PIP5K1C: variants seen among roughly 807,000 people sequenced by gnomAD.
PIP5K1C encodes phosphatidylinositol-4-phosphate 5-kinase type 1 gamma, also known as phosphatidylinositol 4-phosphate 5-kinase type-1 gamma.
Under a neutral mutation model 80.1 loss-of-function variants are expected in PIP5K1C, and 45 were observed. The ratio of observed to expected loss-of-function variants is 0.56; its 90% confidence interval spans 0.44 to 0.72. The LOEUF (loss-of-function observed/expected upper bound fraction) is 0.72, where lower values mean the gene tolerates loss of function less well. Ranked by LOEUF, PIP5K1C falls within the 30% of genes least tolerant of loss-of-function variation. PIP5K1C has a pLI of 0.00. For missense variants in PIP5K1C, 753 were observed against 954.6 expected, an observed-to-expected ratio of 0.79 and a Z score of 2.78; for synonymous variants, 498 against 420.1, an observed-to-expected ratio of 1.19 and a Z score of -2.27.
At chr19:3,690,029 G>C (rs2035895999) in intron 1 of PIP5K1C, among the ~76,000 whole-genome samples, 3 of 151,978 alleles carry the variant, frequency 2.0e-5, no homozygotes, top group Admixed American at 2.0e-4. Flanking sequence ...AGAAACACCT[G>C]GGGTGACAGT....
rs540300528 is a variant in PIP5K1C, at chr19:3,637,938, G to C, written c.1920+946C>G. On this transcript the variant is annotated intron_variant, in intron 16 of 17. Coordinates refer to ENST00000335312, the MANE Select transcript of PIP5K1C (RefSeq NM_012398.3). The surrounding 1 kb of genome is among the most constrained non-coding windows in gnomAD (Gnocchi z 7.0). Reference sequence around the variant, plus strand: ...GGGTGACGACGTGCGGTGGGTAGGGGCACAGGCACGCGGCCCGTCCCTCCC... The same window carrying C: ...GGGTGACGACGTGCGGTGGGTAGGGCCACAGGCACGCGGCCCGTCCCTCCC... 3.3e-6 allele frequency: 5 copies of C among 1,534,878 alleles called. No individual in the cohort carries two copies. The highest frequency in any genetic ancestry group is 4.4e-6 in the Non-Finnish European group (5 of 1,146,654).
chr19:3,698,020 C>T (rs1013858375), intron 1 of PIP5K1C, among the ~76,000 whole-genome samples: 4 of 152,236 alleles, frequency 2.6e-5, no homozygotes, highest in African/African-American at 4.8e-5. Context: ...TCGCCAAGGA[C>T]GATGACACTG....
chr19:3,637,436 C>G lies in PIP5K1C; in HGVS notation c.1920+1448G>C. On this transcript the variant is annotated intron_variant, in intron 16 of 17. Transcript: ENST00000335312. The surrounding 1 kb of genome is among the most constrained non-coding windows in gnomAD (Gnocchi z 7.0). Reference sequence around the variant, plus strand: ...TACCCAAAGCCCTTCTGGAAAACAACTGACGTCAGACACTGAGCTTCCGGC... The same window carrying G: ...TACCCAAAGCCCTTCTGGAAAACAAGTGACGTCAGACACTGAGCTTCCGGC... 1 of 1,535,680 alleles carries G rather than the reference C, an allele frequency of 6.5e-7. No individual in the cohort carries two copies. Among genetic ancestry groups the G allele is most frequent in the Non-Finnish European group, 8.7e-7 (1 of 1,146,818 alleles).
At chr19:3,677,590 A>G (rs549791035) in intron 1 of PIP5K1C, among the ~76,000 whole-genome samples, 2 of 151,562 alleles carry the variant, frequency 1.3e-5, no homozygotes, top group African/African-American at 2.4e-5. Context: ...CTCAAAAAAA[A>G]AGAGACAGTG....
chr19:3,641,285 A>G (rs745429190), intron 15 of PIP5K1C, among the ~76,000 whole-genome samples: 7 of 152,174 alleles, frequency 4.6e-5, no homozygotes, highest in Non-Finnish European at 8.8e-5. Flanking sequence ...TTAAAAAAAA[A>G]TTAGTTAAAT....
At position 3,700,424 on chromosome 19, in the gene PIP5K1C, G is replaced by A. The variant is rs955103815; in HGVS notation, c.-34C>T. 4.2e-5 allele frequency: 44 copies of A among 1,051,130 alleles called. No individual in the cohort carries two copies. Among genetic ancestry groups the A allele is most frequent in the Middle Eastern group, 4.3e-4 (1 of 2,302 alleles). 65.1% of individuals were successfully genotyped at this position (1,051,130 alleles called of 1,614,324 possible). A position where few individuals can be genotyped will look rare whatever the true frequency, so the allele number is the denominator to read the frequency against. On this transcript the variant is annotated 5_prime_UTR_variant, in exon 1 of 18. Coordinates refer to ENST00000335312, the MANE Select transcript of PIP5K1C (RefSeq NM_012398.3). ...GCGGACGGCGGCGGGGGCGCCCGAG[G>A]GGGACCCGAGCTGCGACCGCCGCCG...
chr19:3,644,130 G>C lies in PIP5K1C; in HGVS notation c.1467C>G (p.Tyr489Ter), dbSNP rs375497401. The C allele has an allele frequency of 1.2e-6, 2 of 1,611,820 alleles. No homozygotes were observed. The highest frequency in any genetic ancestry group is 1.7e-6 in the Non-Finnish European group (2 of 1,179,852). ...QIPSEREEAQYDLRGARSYPT... is the reference protein window; with the variant it reads ...QIPSEREEAQ ...GGTAGCTGCGGGCCCCCCGCAGGTC[G>C]TACTGGGCCTCCTCCCGCTCGCTAG... is the stretch of plus-strand genomic sequence containing the variant. The change falls in exon 12 of 18, where the codon TAC (tyrosine) becomes TAG (stop). Residue 489 changes from tyrosine to a stop codon, truncating the protein, a stop_gained. Transcript: ENST00000335312. LOFTEE classifies it high-confidence loss of function.
chr19:3,638,818 G>A (rs1263654751), intron 16 of PIP5K1C, 66 bp downstream of exon 16: 11 of 1,602,184 alleles, frequency 6.9e-6, no homozygotes, highest in South Asian at 1.1e-5. Context: ...GTGTGCACAC[G>A]GTGGAGCGTG....
At chr19:3,671,834 TA>T (rs1427261782) in intron 1 of PIP5K1C, among the ~76,000 whole-genome samples, 6 of 152,214 alleles carry the variant, frequency 3.9e-5, no homozygotes, top group African/African-American at 1.4e-4. Context: ...GTGACCCCCA[TA>T]GGGGGCTGTC....
At chr19:3,653,702 T>C in intron 6 of PIP5K1C, 113 bp from the exon 7 acceptor site, 1 of 1,016,516 alleles carries the variant, frequency 9.8e-7, no homozygotes, top group Non-Finnish European at 1.4e-6. Flanking sequence ...CCAGCCCCCC[T>C]CTCTCCCCAG....
In PIP5K1C at chr19:3,696,240, C is replaced by T. The variant is rs919395958; in HGVS notation, c.94+4057G>A. On this transcript the variant is annotated intron_variant, in intron 1 of 17. Transcript: ENST00000335312. The surrounding 1 kb of genome is among the most constrained non-coding windows in gnomAD (Gnocchi z 4.1). Reference sequence around the variant, plus strand: ...GGCCTTCCCAGCCACCCCATTCTACCTTACCCTTCCTCCCTGGCACTGCTG... The same window carrying T: ...GGCCTTCCCAGCCACCCCATTCTACTTTACCCTTCCTCCCTGGCACTGCTG... Among the ~76,000 whole-genome samples, 1 of 152,204 alleles carries T rather than the reference C, an allele frequency of 6.6e-6. No individual in the cohort carries two copies. The highest frequency in any genetic ancestry group is 1.5e-5 in the Non-Finnish European group (1 of 68,040).
At chr19:3,640,684 C>G (rs949781869) in intron 15 of PIP5K1C, among the ~76,000 whole-genome samples, 1 of 151,260 alleles carries the variant, frequency 6.6e-6, no homozygotes, top group South Asian at 2.1e-4. Context: ...GCAGATCACT[C>G]GAGGTCAGTT....
chr19:3,636,870 A>G lies in PIP5K1C; in HGVS notation c.1920+2014T>C, dbSNP rs781239434. On this transcript the variant is annotated intron_variant, in intron 16 of 17. Transcript: ENST00000335312. ...CTTAGGCTCTCTGGGCCCCTTGCTT[A>G]TTGGTCATAATGACAACAGCAGGCC... 1.7e-3 allele frequency: 1,688 copies of G among 993,296 alleles called. 3 individuals carry two copies. The highest frequency in any genetic ancestry group is 1.9e-3 in the Non-Finnish European group (1,571 of 834,548). The allele number at this position is 993,296 out of a possible 1,614,324, so 61.5% of individuals were successfully genotyped here. A position where few individuals can be genotyped will look rare whatever the true frequency, so the allele number is the denominator to read the frequency against.
At chr19:3,652,275 C>T (rs936936373) in intron 7 of PIP5K1C, among the ~76,000 whole-genome samples, 6 of 152,232 alleles carry the variant, frequency 3.9e-5, no homozygotes, top group East Asian at 1.9e-4. Context: ...CAGGCTGCCC[C>T]GGGCACTGAG....
chr19:3,695,024 G>C (rs1457059826), intron 1 of PIP5K1C, among the ~76,000 whole-genome samples: 1 of 152,270 alleles, frequency 6.6e-6, no homozygotes, highest in Non-Finnish European at 1.5e-5. Flanking sequence ...GGAACAAATG[G>C]TGTGGCCGTT....
chr19:3,644,063 C>A, intron 12 of PIP5K1C, 24 bp downstream of exon 12: 2 of 1,609,038 alleles, frequency 1.2e-6, no homozygotes, highest in Non-Finnish European at 1.7e-6. Flanking sequence ...CGCCCACAAG[C>A]GCACTCTGCC....
Position 3,637,990 on chromosome 19 carries a change from G to A in PIP5K1C, c.1920+894C>T, listed in dbSNP as rs1396470802. 14 of 1,524,252 alleles carry A rather than the reference G, an allele frequency of 9.2e-6. No homozygotes were observed. In the East Asian group the frequency reaches 1.2e-4, roughly 13 times the overall value. 94.4% of individuals were successfully genotyped at this position (1,524,252 alleles called of 1,614,324 possible). ...TCTCCAGGGCCAGGTGGGTGCATGG[G>A]GACCCCAGAGGCGCCACTGGAGACA... On this transcript the variant is annotated intron_variant, in intron 16 of 17. Coordinates refer to ENST00000335312, the MANE Select transcript of PIP5K1C (RefSeq NM_012398.3). The surrounding 1 kb of genome is among the most constrained non-coding windows in gnomAD (Gnocchi z 7.0).
intron 3 of PIP5K1C, among the ~76,000 whole-genome samples, chr19:3,662,501 T>C (rs2034867302): frequency 6.6e-6 from 1 of 152,222 alleles, no homozygotes; most frequent in Non-Finnish European, 1.5e-5. Context: ...TCCCTGCCTG[T>C]AGACAGGGAT....
intron 11 of PIP5K1C, 105 bp from the exon 12 acceptor site, chr19:3,644,356 GA>G (rs2034121101): frequency 8.7e-7 from 1 of 1,147,350 alleles, no homozygotes; most frequent in Non-Finnish European, 1.3e-6. Flanking sequence ...TGGCCCACCA[GA>G]CCCCTACCGG....
Sources: allele counts gnomAD v4.1 joint callset (sites outside exome capture counted in the v4.1 genomes callset), GRCh38; gene constraint gnomAD v4.1.1; non-coding constraint Gnocchi (gnomAD v3.1); transcripts MANE v1.5; gene names NCBI Gene and HGNC (gene_info 2026-07-23, HGNC 2026-07-21).